The following CCDC88C variants were observed in gnomAD, a reference collection of about 807,000 sequenced individuals.
CCDC88C encodes coiled-coil and HOOK domain protein 88C.
CCDC88C carries 131 observed loss-of-function variants against 198.8 expected under a neutral mutation model. That is an observed-to-expected ratio of 0.66 (90% confidence interval 0.57 to 0.76). The LOEUF (loss-of-function observed/expected upper bound fraction) is 0.76, where lower values mean the gene tolerates loss of function less well. CCDC88C is among the 30% of genes least tolerant of loss of function. The probability of loss-of-function intolerance (pLI) is 0.00; values close to 1 mark genes in which losing one functional copy is unlikely to be tolerated. For synonymous variants in CCDC88C, 1,166 were observed against 1,114.7 expected, an observed-to-expected ratio of 1.05 and a Z score of -0.92; for missense variants, 2,553 against 2,631.6, an observed-to-expected ratio of 0.97 and a Z score of 0.65.
intron 2 of CCDC88C, among the ~76,000 whole-genome samples, chr14:91,414,339 G>C (rs1886934677): frequency 6.6e-6 from 1 of 152,196 alleles, no homozygotes; most frequent in South Asian, 2.1e-4. Flanking sequence ...GACATGCCCA[G>C]TGTCACACTG....
chr14:91,281,597 G>C, intron 26 of CCDC88C, 72 bp from the exon 27 acceptor site: 1 of 1,369,834 alleles, frequency 7.3e-7, no homozygotes, highest in South Asian at 1.2e-5. Flanking sequence ...CCGCCACCTC[G>C]CCTGGCACCC....
chr14:91,272,901 G>A lies in CCDC88C; in HGVS notation c.5811C>T (p.Ala1937=), dbSNP rs1889798096. ...LHFSPAAAPA[A]RTKPKAPPRS... is the part of the protein sequence containing the mutation. ...GTGGGGGCGCCTTGGGCTTGGTCCT[G>A]GCAGCCGGGGCTGCAGCAGGTGAGA... Residue 1937 remains alanine (A), a synonymous_variant, in exon 30 of 30, where the codon GCC becomes GCT. Coordinates refer to ENST00000389857, the MANE Select transcript of CCDC88C (RefSeq NM_001080414.4). 6.3e-7 allele frequency: 1 copy of A among 1,581,886 alleles called. No individual in the cohort carries two copies. The highest frequency in any genetic ancestry group is 8.6e-7 in the Non-Finnish European group (1 of 1,168,162).
intron 13 of CCDC88C, among the ~76,000 whole-genome samples, chr14:91,319,747 C>T (rs939674503): frequency 6.6e-6 from 1 of 152,132 alleles, no homozygotes; most frequent in Admixed American, 6.5e-5. Flanking sequence ...TGTCTGGGGC[C>T]GGGCATGGTG....
chr14:91,272,320 GCTT>G lies in CCDC88C; in HGVS notation c.*302_*304del. ...ACTGGGACATACTGGAGTAGTGTCT[GCTT>G]TGGGGGAAGTCAGTTTGTCATTGCA... On this transcript the variant is annotated 3_prime_UTR_variant, in exon 30 of 30. Transcript: ENST00000389857. 1.2e-5 allele frequency: 5 copies of G among 406,064 alleles called. No individual in the cohort carries two copies. Among genetic ancestry groups the G allele is most frequent in the South Asian group, 8.3e-5 (3 of 35,982 alleles). 25.2% of individuals were successfully genotyped at this position (406,064 alleles called of 1,614,324 possible).
chr14:91,314,229 G>A, intron 14 of CCDC88C, 79 bp from the exon 15 acceptor site: 1 of 1,184,048 alleles, frequency 8.4e-7, no homozygotes, highest in Non-Finnish European at 1.2e-6. Flanking sequence ...CTGGGGATGG[G>A]AGAGAGAAGG....
chr14:91,278,480 C>T (rs1879086789), intron 28 of CCDC88C, among the ~76,000 whole-genome samples: 1 of 152,192 alleles, frequency 6.6e-6, no homozygotes, highest in African/African-American at 2.4e-5. Flanking sequence ...CCCTTGTCAG[C>T]GCTCGCTCAT....
chr14:91,383,256 C>T (rs965574889), intron 3 of CCDC88C, among the ~76,000 whole-genome samples: 3 of 152,228 alleles, frequency 2.0e-5, no homozygotes, highest in African/African-American at 7.2e-5. Flanking sequence ...CAGGGCAATC[C>T]GTTCCACAGA....
At chr14:91,282,277 G>A (rs1402212897) in intron 26 of CCDC88C, among the ~76,000 whole-genome samples, 1 of 152,186 alleles carries the variant, frequency 6.6e-6, no homozygotes, top group African/African-American at 2.4e-5. Context: ...ATGGCTTCAA[G>A]AGTCAGGTGA....
chr14:91,328,831 C>T (rs1892685664), intron 10 of CCDC88C, among the ~76,000 whole-genome samples: 1 of 152,228 alleles, frequency 6.6e-6, no homozygotes, highest in African/African-American at 2.4e-5. Flanking sequence ...GCACCCCCAG[C>T]ACTCCCCACG....
chr14:91,272,864 C>A lies in CCDC88C; in HGVS notation c.5848G>T (p.Val1950Leu). 6.3e-7 allele frequency: 1 copy of A among 1,592,172 alleles called. No homozygotes were observed. The highest frequency in any genetic ancestry group is 8.5e-7 in the Non-Finnish European group (1 of 1,171,578). ...KPKAPPRSGE[V>L]ATITPVRAGL... is the part of the protein sequence containing the mutation. ...GCCCGGACAGGGGTGATGGTGGCCA[C>A]CTCCCCTGAGCGTGGGGGCGCCTTG... The change falls in exon 30 of 30, where the codon GTG (valine) becomes TTG (leucine). Residue 1950 changes from valine to leucine, a missense_variant. By Grantham distance (32) the Val-to-Leu change is conservative. Around this residue, in one of 2 missense-constraint regions of CCDC88C, gnomAD observed 1,293 missense variants for 1,219.6 expected, o/e 1.06. Coordinates refer to ENST00000389857, the MANE Select transcript of CCDC88C (RefSeq NM_001080414.4).
chr14:91,307,120 T>C lies in CCDC88C; in HGVS notation c.3113A>G (p.Lys1038Arg), dbSNP rs1891589950. The C allele has an allele frequency of 6.2e-7, 1 of 1,613,968 alleles. No homozygotes were observed. Among genetic ancestry groups the C allele is most frequent in the Non-Finnish European group, 8.5e-7 (1 of 1,179,882 alleles). Residue 1038 changes from lysine (K) to arginine (R), a missense_variant, in exon 18 of 30, where the codon AAG becomes AGG. By Grantham distance (26) the Lys-to-Arg change is conservative. This residue lies in a region of CCDC88C where 1,260 missense variants were observed against 1,412.0 expected (regional missense o/e 0.89). Transcript: ENST00000389857. ...CTTATGGCCGGGCCCCCAGGCCTCC[T>C]TCCCCTGGTGACTGGCGGCTGTCTT... The part of the protein sequence containing the change: ...AGKTAASHQG[K>R]EAWGPGHKEA...
intron 18 of CCDC88C, 48 bp downstream of exon 18, chr14:91,306,990 C>T (rs753085779): frequency 3.1e-6 from 4 of 1,294,260 alleles, no homozygotes; most frequent in South Asian, 1.6e-5. Context: ...ATAAGGCAGT[C>T]TCTCTCTCTC....
rs61183857 is a variant in CCDC88C, at chr14:91,318,917, CAAAAAAAAAAA to C, written c.1527+2192_1527+2202del. Among the ~76,000 whole-genome samples the C allele has an allele frequency of 2.0e-3, 209 of 105,286 alleles. 1 individual carries two copies. The highest frequency in any genetic ancestry group is 5.5e-3 in the African/African-American group (155 of 27,950). The allele number at this position is 105,286 out of a possible 152,430, so 69.1% of individuals were successfully genotyped here. A position where few individuals can be genotyped will look rare whatever the true frequency, so the allele number is the denominator to read the frequency against. On this transcript the variant is annotated intron_variant, in intron 13 of 29. Transcript: ENST00000389857. ...CTGGACAACAGAGCGAGACTCCGTC[CAAAAAAAAAAA>C]AAAAAAAAAAGAACCTGCAGAGCCA...
rs544703073 is a variant in CCDC88C, at chr14:91,381,823, C to T, written c.271-22112G>A. Among the ~76,000 whole-genome samples, 2 of 89,888 alleles carry T rather than the reference C, an allele frequency of 2.2e-5. No individual in the cohort carries two copies. Among genetic ancestry groups the T allele is most frequent in the South Asian group, 3.4e-4 (1 of 2,912 alleles). The allele number at this position is 89,888 out of a possible 152,430, so 59.0% of individuals were successfully genotyped here. On this transcript the variant is annotated intron_variant, in intron 3 of 29. Transcript: ENST00000389857. The surrounding 1 kb of genome is among the most constrained non-coding windows in gnomAD (Gnocchi z 4.2). ...AGGGCAACGGAGCAAGACTCTGTCT[C>T]GAAAAACAAAAACAACAAAAAACCG... is the stretch of plus-strand genomic sequence containing the variant.
At position 91,354,254 on chromosome 14, in the gene CCDC88C, G is replaced by C. The variant is rs139158245; in HGVS notation, c.340+5388C>G. On this transcript the variant is annotated intron_variant, in intron 4 of 29. Transcript: ENST00000389857. ...ACTGTCCTGTGATTCATCGCAGAAAGTAATTTGCTAACACCCTGGCTTCCC... is the reference window on the plus strand; with the variant it reads ...ACTGTCCTGTGATTCATCGCAGAAACTAATTTGCTAACACCCTGGCTTCCC... Among the ~76,000 whole-genome samples, 1,166 of 152,330 alleles carry C rather than the reference G, an allele frequency of 7.7e-3. 11 individuals carry two copies. The highest frequency in any genetic ancestry group is 9.5e-3 in the Non-Finnish European group (645 of 68,030).
chr14:91,283,312 A>T lies in CCDC88C; in HGVS notation c.4630+17T>A. On this transcript the variant is annotated intron_variant, in intron 26 of 29. Coordinates refer to ENST00000389857, the MANE Select transcript of CCDC88C (RefSeq NM_001080414.4). ...CTAGGCCCGACGCTCATGGCTCTGG[A>T]AGGGCCTGTGACTCACCTTTGGTGC... is the stretch of plus-strand genomic sequence containing the variant. The T allele has an allele frequency of 6.2e-7, 1 of 1,610,844 alleles. No individual in the cohort carries two copies. Among genetic ancestry groups the T allele is most frequent in the Middle Eastern group, 1.8e-4 (1 of 5,530 alleles).
intron 21 of CCDC88C, 114 bp downstream of exon 21, chr14:91,299,813 G>T: frequency 7.4e-7 from 1 of 1,343,518 alleles, no homozygotes; most frequent in Non-Finnish European, 9.8e-7. Flanking sequence ...ACACAGCAAG[G>T]GATAAAAATC....
intron 10 of CCDC88C, among the ~76,000 whole-genome samples, chr14:91,327,673 G>A (rs1279618136): frequency 1.3e-5 from 2 of 152,232 alleles, no homozygotes; most frequent in South Asian, 2.1e-4. Flanking sequence ...AGAGGCCCCT[G>A]TTGTACTAAT....
At chr14:91,304,101 G>C in intron 19 of CCDC88C, 123 bp from the exon 20 acceptor site, 1 of 1,136,642 alleles carries the variant, frequency 8.8e-7, no homozygotes, top group Non-Finnish European at 1.2e-6. Flanking sequence ...AAGACCCAGA[G>C]GGTACCCAGG....
Sources: allele counts gnomAD v4.1 joint callset (sites outside exome capture counted in the v4.1 genomes callset), GRCh38; gene constraint gnomAD v4.1.1; regional missense constraint gnomAD v4.1.1; non-coding constraint Gnocchi (gnomAD v3.1); transcripts MANE v1.5; gene names NCBI Gene and HGNC (gene_info 2026-07-23, HGNC 2026-07-21).